The following MAST4 variants were observed in gnomAD, a reference collection of about 807,000 sequenced individuals.
MAST4 encodes the protein microtubule associated serine/threonine kinase family member 4, also known as microtubule-associated serine/threonine-protein kinase 4.
Under a neutral mutation model 162.7 loss-of-function variants are expected in MAST4, and 89 were observed. The observed-to-expected ratio is 0.55, with a 90% CI of 0.46 to 0.65. The LOEUF (loss-of-function observed/expected upper bound fraction) is 0.65. Ranked by LOEUF, MAST4 falls within the 30% of genes least tolerant of loss-of-function variation. The pLI is 0.00. For synonymous variants in MAST4, 1,479 were observed against 1,361.1 expected (o/e 1.09, Z -1.91); for missense variants, 3,153 against 3,374.0 (o/e 0.93, Z 1.62).
intron 20 of MAST4, 60 bp from the exon 21 acceptor site, chr5:67,142,356 TAATTA>T (rs1770498924): frequency 6.6e-7 from 1 of 1,509,574 alleles, no homozygotes; most frequent in African/African-American, 1.4e-5. Flanking sequence ...CAGAAAATCA[TAATTA>T]AAATATCTAA....
At chr5:66,808,008 A>G (rs1756286987) in intron 3 of MAST4, among the ~76,000 whole-genome samples, 1 of 152,230 alleles carries the variant, frequency 6.6e-6, no homozygotes, top group Non-Finnish European at 1.5e-5. Context: ...TCTTCACTGC[A>G]CATGTTTTTC....
chr5:66,766,894 T>C (rs1015883559), intron 2 of MAST4, among the ~76,000 whole-genome samples: 2 of 152,130 alleles, frequency 1.3e-5, no homozygotes, highest in Non-Finnish European at 2.9e-5. Flanking sequence ...CTTAACACAA[T>C]AGTAGTTTAT....
In MAST4 at chr5:66,962,818, A is replaced by AT. The variant is rs1228375072; in HGVS notation, c.674+62841dup. Among the ~76,000 whole-genome samples, 3 of 152,316 alleles carry AT rather than the reference A, an allele frequency of 2.0e-5. No homozygotes were observed. In the East Asian group the frequency reaches 5.8e-4, roughly 29 times the overall value. On this transcript the variant is annotated intron_variant, in intron 4 of 28. Transcript: ENST00000403625. ...AGAATACCTACAGAATACTTAGCTA[A>AT]TTTTTACTTTGATTTTGCCATGTAA...
At chr5:66,690,984 T>C (rs763824241) in intron 1 of MAST4, among the ~76,000 whole-genome samples, 40 of 152,232 alleles carry the variant, frequency 2.6e-4, no homozygotes, top group Non-Finnish European at 4.1e-4. Flanking sequence ...ATATACTCAC[T>C]GTGTAACTGT....
chr5:66,882,251 C>T (rs1170714773), intron 3 of MAST4, among the ~76,000 whole-genome samples: 1 of 152,088 alleles, frequency 6.6e-6, no homozygotes, highest in Admixed American at 6.6e-5. Flanking sequence ...TTTGCTGAGC[C>T]TCTAGGGTAT....
At chr5:67,050,298 C>T (rs1758014093) in intron 4 of MAST4, among the ~76,000 whole-genome samples, 1 of 152,110 alleles carries the variant, frequency 6.6e-6, no homozygotes, top group African/African-American at 2.4e-5. Context: ...CCTCATTTCA[C>T]CTGCCTGAGC....
rs1269219859 is a variant in MAST4, at chr5:67,166,186, C to G, written c.7007C>G (p.Pro2336Arg). 1.3e-6 allele frequency: 2 copies of G among 1,554,670 alleles called. No homozygotes were observed. The highest frequency in any genetic ancestry group is 2.4e-5 in the South Asian group (2 of 84,412). ...KQTLSPKHPKPSTVKDCPTLC... is the reference protein window; with the variant it reads ...KQTLSPKHPKRSTVKDCPTLC... ...ACCCTGTCTCCAAAGCACCCCAAAC[C>G]ATCCACTGTGAAAGATTGCCCCACC... Residue 2336 changes from proline (P) to arginine (R), a missense_variant, in exon 29 of 29, where the codon CCA becomes CGA. Pro to Arg is a moderately radical substitution (Grantham distance 103, BLOSUM62 -2). Around this residue, in one of 7 missense-constraint regions of MAST4, gnomAD observed 1,644 missense variants for 1,495.0 expected, o/e 1.10. Transcript: ENST00000403625.
At chr5:67,103,848 C>G (rs536329585) in intron 9 of MAST4, among the ~76,000 whole-genome samples, 68 of 152,124 alleles carry the variant, frequency 4.5e-4, no homozygotes, top group African/African-American at 1.5e-3. Flanking sequence ...CTGAAAGAGC[C>G]CAAGATCTTA....
chr5:66,756,606 G>C (rs1753553146), intron 1 of MAST4, among the ~76,000 whole-genome samples: 1 of 152,214 alleles, frequency 6.6e-6, no homozygotes, highest in African/African-American at 2.4e-5. Flanking sequence ...TCTACCATAA[G>C]CTCTAGGGTG....
chr5:67,065,779 G>A (rs1760157458), intron 5 of MAST4, among the ~76,000 whole-genome samples: 1 of 152,190 alleles, frequency 6.6e-6, no homozygotes, highest in African/African-American at 2.4e-5. Flanking sequence ...GCTTTATGAT[G>A]CTTTAATGCA....
chr5:67,100,499 ACTT>A lies in MAST4; in HGVS notation c.981_983del (p.Phe327del). On this transcript the variant is annotated inframe_deletion, in exon 8 of 29. Transcript: ENST00000403625. ...TACCAACCAACACCAGACGAGTTAC[ACTT>A]CTTATCAAAACATTTCTGTACCACC... 6.2e-7 allele frequency: 1 copy of A among 1,613,856 alleles called. No homozygotes were observed. Among genetic ancestry groups the A allele is most frequent in the Non-Finnish European group, 8.5e-7 (1 of 1,179,854 alleles).
intron 5 of MAST4, among the ~76,000 whole-genome samples, chr5:67,066,431 A>T (rs1233750952): frequency 1.3e-5 from 2 of 151,064 alleles, no homozygotes; most frequent in East Asian, 3.9e-4. Context: ...AATATGATTT[A>T]TATATATACA....
rs1774156011 is a variant in MAST4 at position 67,167,205 on chromosome 5, C to A, written c.*154C>A. ...GGAGAGAGAAAGACAAAGAGGGGAC[C>A]TTCTTCCAGATGCCTTCCCAGTTGT... is the stretch of plus-strand genomic sequence containing the variant. On this transcript the variant is annotated 3_prime_UTR_variant, in exon 29 of 29. Transcript: ENST00000403625. The A allele has an allele frequency of 2.7e-6, 1 of 369,432 alleles. No individual in the cohort carries two copies. Among genetic ancestry groups the A allele is most frequent in the African/African-American group, 2.3e-5 (1 of 42,664 alleles). 22.9% of individuals were successfully genotyped at this position (369,432 alleles called of 1,614,324 possible).
chr5:66,713,251 A>G (rs1750610336), intron 1 of MAST4, among the ~76,000 whole-genome samples: 3 of 152,196 alleles, frequency 2.0e-5, no homozygotes, highest in Non-Finnish European at 4.4e-5. Flanking sequence ...CCCACCTGGA[A>G]GGTACCCCGC....
At chr5:66,932,525 C>T (rs1377638592) in intron 4 of MAST4, among the ~76,000 whole-genome samples, 1 of 152,136 alleles carries the variant, frequency 6.6e-6, no homozygotes, top group Non-Finnish European at 1.5e-5. Flanking sequence ...GAGATAAACA[C>T]GTGTTGAAAT....
At chr5:66,812,645 T>C (rs1043573775) in intron 3 of MAST4, among the ~76,000 whole-genome samples, 2 of 152,196 alleles carry the variant, frequency 1.3e-5, no homozygotes, top group African/African-American at 4.8e-5. Flanking sequence ...TAGGGAGTTG[T>C]AGGGCTGAGG....
intron 1 of MAST4, among the ~76,000 whole-genome samples, chr5:66,756,097 G>A (rs1753521276): frequency 6.6e-6 from 1 of 152,178 alleles, no homozygotes; most frequent in Non-Finnish European, 1.5e-5. Flanking sequence ...TGTTTCCTGT[G>A]ATAAACTGCT....
At chr5:66,677,508 C>A (rs1748027426) in intron 1 of MAST4, among the ~76,000 whole-genome samples, 1 of 152,126 alleles carries the variant, frequency 6.6e-6, no homozygotes, top group African/African-American at 2.4e-5. Flanking sequence ...ATGTGGTCAG[C>A]AACATTTATT....
chr5:66,673,416 A>C (rs1009674813), intron 1 of MAST4, among the ~76,000 whole-genome samples: 2 of 125,142 alleles, frequency 1.6e-5, no homozygotes, highest in Non-Finnish European at 3.2e-5. Flanking sequence ...ATTTTGAAGA[A>C]GCATGATTTT....
Sources: gnomAD v4.1 joint callset for allele counts (sites outside exome capture counted in the v4.1 genomes callset) on GRCh38, gnomAD v4.1.1 for gene constraint, gnomAD v4.1.1 regional missense constraint, MANE v1.5 for transcripts, NCBI Gene and HGNC (gene_info 2026-07-23, HGNC 2026-07-21) for gene names.